The following ULK3 variants were observed in gnomAD, a reference collection of about 807,000 sequenced individuals.
The protein encoded by ULK3 is unc-51 like kinase 3, also known as serine/threonine-protein kinase ULK3.
ULK3 carries 54 observed loss-of-function variants against 69.4 expected under a neutral mutation model. The observed-to-expected ratio is 0.78, with a 90% CI of 0.63 to 0.98. The LOEUF (loss-of-function observed/expected upper bound fraction) is 0.98. ULK3 is among the 50% of genes least tolerant of loss of function. The pLI, the probability that ULK3 is intolerant of heterozygous loss-of-function variation, is 0.00. For missense variants in ULK3, 558 were observed against 627.7 expected, an observed-to-expected ratio of 0.89 and a Z score of 1.19; for synonymous variants, 240 against 254.5, an observed-to-expected ratio of 0.94 and a Z score of 0.54.
rs1406763375 is a variant in ULK3, at chr15:74,836,151, G to T, written c.*1077C>A. 6.6e-6 allele frequency: 1 copy of T among 152,302 alleles called. No homozygotes were observed. The highest frequency in any genetic ancestry group is 1.9e-4 in the East Asian group (1 of 5,184). The allele number at this position is 152,302 out of a possible 1,614,324, so 9.4% of individuals were successfully genotyped here. ...ATAATTTAATAGAGAAACAATGAAT[G>T]ATACTCTTTACACTCAGCCTCCTGC... On this transcript the variant is annotated 3_prime_UTR_variant, in exon 16 of 16. Transcript: ENST00000440863. This position sits in a 1 kb window ranked among gnomAD's most constrained non-coding sequence, Gnocchi z 4.0.
rs1393429859 is a variant in ULK3 at position 74,837,775 on chromosome 15, A to G, written c.1311T>C (p.Ala437=). The G allele has an allele frequency of 1.3e-5, 20 of 1,598,578 alleles. No individual in the cohort carries two copies. Among genetic ancestry groups the G allele is most frequent in the Non-Finnish European group, 1.7e-5 (20 of 1,172,466 alleles). Residue 437 remains alanine, a synonymous_variant, in exon 14 of 16, where the codon GCT becomes GCC. Coordinates refer to ENST00000440863, the MANE Select transcript of ULK3 (RefSeq NM_001099436.4). ...CCTTGACCTGCTCCTTCAAGTATTCAGCTCGGGCCATGAGGTTCTGAACCT... is the reference window on the plus strand; with the variant it reads ...CCTTGACCTGCTCCTTCAAGTATTCGGCTCGGGCCATGAGGTTCTGAACCT... ...HTEVQNLMAR[A]EYLKEQVKMR... is the part of the protein sequence containing the mutation.
intron 14 of ULK3, 72 bp downstream of exon 14, chr15:74,837,679 G>T: frequency 1.3e-6 from 2 of 1,509,660 alleles, no homozygotes; most frequent in Non-Finnish European, 1.8e-6. Flanking sequence ...CCAGCAGGGG[G>T]GGACGACAGC....
Position 74,837,115 on chromosome 15 carries a change from T to C in ULK3, c.*113A>G. On this transcript the variant is annotated 3_prime_UTR_variant, in exon 16 of 16. Coordinates refer to ENST00000440863, the MANE Select transcript of ULK3 (RefSeq NM_001099436.4). ...GATATGGGGGTCTCAGCACTGTCCATCCAAGAAGCCTGCTCGCCAGGGCTG... is the reference window on the plus strand; with the variant it reads ...GATATGGGGGTCTCAGCACTGTCCACCCAAGAAGCCTGCTCGCCAGGGCTG... The C allele has an allele frequency of 7.1e-7, 1 of 1,413,190 alleles. No homozygotes were observed. The allele number at this position is 1,413,190 out of a possible 1,614,324, so 87.5% of individuals were successfully genotyped here.
chr15:74,837,389 A>G lies in ULK3; in HGVS notation c.1382T>C (p.Leu461Pro), dbSNP rs2064051586. 6.2e-7 allele frequency: 1 copy of G among 1,613,046 alleles called. No homozygotes were observed. Among genetic ancestry groups the G allele is most frequent in the Non-Finnish European group, 8.5e-7 (1 of 1,179,600 alleles). ...CTCACAGCTACGAACAGATTCCGACAGTCCCTCTTTGTCCAGGGTGTCAGC... is the reference window on the plus strand; with the variant it reads ...CTCACAGCTACGAACAGATTCCGACGGTCCCTCTTTGTCCAGGGTGTCAGC... ...WEADTLDKEG[L>P]SESVRSSCTL... is the part of the protein sequence containing the mutation. The change falls in exon 15 of 16, where the codon CTG becomes CCG. Residue 461 changes from leucine (L) to proline (P), a missense_variant. By Grantham distance (98) the Leu-to-Pro change is moderately conservative. Coordinates refer to ENST00000440863, the MANE Select transcript of ULK3 (RefSeq NM_001099436.4).
Position 74,839,103 on chromosome 15 carries a change from C to A in ULK3, c.959-53G>T, listed in dbSNP as rs2064145294. 10 of 1,572,378 alleles carry A rather than the reference C, an allele frequency of 6.4e-6. No individual in the cohort carries two copies. In the South Asian group the frequency reaches 1.2e-4, roughly 18 times the overall value. On this transcript the variant is annotated intron_variant, in intron 8 of 15. Transcript: ENST00000440863. ...TCTGGGCGAACCCCTCCCTGCCCCA[C>A]AACGAACCCTCTGGAATCCCTCAAA...
chr15:74,837,908 G>C lies in ULK3; in HGVS notation c.1288-110C>G, dbSNP rs1319121394. The C allele has an allele frequency of 3.9e-6, 5 of 1,271,622 alleles. No homozygotes were observed. The African/African-American group carries it at 4.5e-5, about 11-fold the overall frequency. The allele number at this position is 1,271,622 out of a possible 1,614,324, so 78.8% of individuals were successfully genotyped here. On this transcript the variant is annotated intron_variant, in intron 13 of 15. Coordinates refer to ENST00000440863, the MANE Select transcript of ULK3 (RefSeq NM_001099436.4). ...CTCTCCAGAACCCTCTGCCCCATCAGAACAACTTGCCTCCTGAGTCCCTTA... is the reference window on the plus strand; with the variant it reads ...CTCTCCAGAACCCTCTGCCCCATCACAACAACTTGCCTCCTGAGTCCCTTA...
chr15:74,840,429 T>C, intron 5 of ULK3, 69 bp downstream of exon 5: 1 of 1,569,402 alleles, frequency 6.4e-7, no homozygotes, highest in Non-Finnish European at 8.6e-7. Context: ...CCTTCAGAAG[T>C]GGCCCAGAGA....
At position 74,838,329 on chromosome 15, in the gene ULK3, C is replaced by T. The variant is rs768101238; in HGVS notation, c.1183G>A (p.Gly395Arg). The change falls in exon 12 of 16, where the codon GGG (glycine) becomes AGG (arginine). Residue 395 changes from glycine (G) to arginine (R), a missense_variant. Transcript: ENST00000440863. ...AAMAKEEAAG[G>R]EQDALDLYQH... ...TACAGGTCCAGGGCATCCTGCTCCC[C>T]GCCGGCGGCCTCCTCCTGCAGCCAC... 5.2e-5 allele frequency: 81 copies of T among 1,567,352 alleles called. No individual in the cohort carries two copies. Among genetic ancestry groups the T allele is most frequent in the African/African-American group, 1.1e-4 (8 of 73,582 alleles).
intron 14 of ULK3, 84 bp downstream of exon 14, chr15:74,837,667 C>A (rs567660022): frequency 7.0e-7 from 1 of 1,431,610 alleles, no homozygotes; most frequent in Non-Finnish European, 9.5e-7. Flanking sequence ...AGCAGACATA[C>A]ACCAGCAGGG....
rs1479478065 is a variant in ULK3 at position 74,837,352 on chromosome 15, C to T, written c.1402+17G>A. 3 of 1,612,874 alleles carry T rather than the reference C, an allele frequency of 1.9e-6. No homozygotes were observed. The highest frequency in any genetic ancestry group is 2.5e-6 in the Non-Finnish European group (3 of 1,179,484). The stretch of plus-strand genomic sequence containing the variant: ...ACCCCTCCTTGGATGGAGGATCGAC[C>T]CCAGGGCAGGACTCACAGCTACGAA... On this transcript the variant is annotated intron_variant, in intron 15 of 15. Coordinates refer to ENST00000440863, the MANE Select transcript of ULK3 (RefSeq NM_001099436.4).
intron 5 of ULK3, 89 bp from the exon 6 acceptor site, chr15:74,840,405 G>T: frequency 1.3e-6 from 2 of 1,567,150 alleles, no homozygotes; most frequent in Non-Finnish European, 1.7e-6. Flanking sequence ...CCAGCAGTCA[G>T]TTTTCATCAG....
Position 74,838,154 on chromosome 15 carries a change from C to A in ULK3, c.1285G>T (p.Glu429Ter). Residue 429 changes from glutamate to a stop codon, truncating the protein, a stop_gained and splice_region_variant, in exon 13 of 16, where the codon GAG (glutamate) becomes TAG (stop). Transcript: ENST00000440863. LOFTEE classifies it high-confidence loss of function. Reference protein sequence around the residue: ...PGRRRELLHTEVQNLMARAEY... With the variant: ...PGRRRELLHT Reference sequence around the variant, plus strand: ...ACCCTCTCAAGCTCAGTGGGCACCTCAGTGTGAAGCAGCTCCCGCCTCCGG... The same window carrying A: ...ACCCTCTCAAGCTCAGTGGGCACCTAAGTGTGAAGCAGCTCCCGCCTCCGG... The A allele has an allele frequency of 6.4e-7, 1 of 1,556,424 alleles. No homozygotes were observed.
At chr15:74,841,681 C>G (rs2064257077) in intron 3 of ULK3, among the ~76,000 whole-genome samples, 172 bp from the exon 4 acceptor site, 1 of 152,130 alleles carries the variant, frequency 6.6e-6, no homozygotes, top group South Asian at 2.1e-4. Flanking sequence ...AGTTTGCCAC[C>G]CCACCCGAGT....
At position 74,839,064 on chromosome 15, in the gene ULK3, G is replaced by C. The variant is rs2064142388; in HGVS notation, c.959-14C>G. ...CATCCACTTCATCTGCAGAAAGTGA[G>C]GTCATATGAGGAGTCTGGGCGAACC... On this transcript the variant is annotated splice_polypyrimidine_tract_variant and intron_variant, in intron 8 of 15. Transcript: ENST00000440863. The C allele has an allele frequency of 3.8e-6, 6 of 1,599,616 alleles. No homozygotes were observed. Among genetic ancestry groups the C allele is most frequent in the Non-Finnish European group, 5.1e-6 (6 of 1,173,164 alleles).
chr15:74,837,630 C>T (rs1482668145), intron 14 of ULK3, 121 bp downstream of exon 14: 1 of 1,366,278 alleles, frequency 7.3e-7, no homozygotes, highest in Non-Finnish European at 1.0e-6. Context: ...GATACAGGGA[C>T]AGGGAGGCCT....
At position 74,842,261 on chromosome 15, in the gene ULK3, C is replaced by T; in HGVS notation, c.243+19G>A. On this transcript the variant is annotated intron_variant, in intron 2 of 15. Coordinates refer to ENST00000440863, the MANE Select transcript of ULK3 (RefSeq NM_001099436.4). This position sits in a 1 kb window ranked among gnomAD's most constrained non-coding sequence, Gnocchi z 4.9. The stretch of plus-strand genomic sequence containing the variant: ...CTTCTCCAGCTCCCTTTGGCAGCGG[C>T]CCCGCCCCAGGCTCACACCTGAAAG... 2 of 1,613,960 alleles carry T rather than the reference C, an allele frequency of 1.2e-6. No individual in the cohort carries two copies. Among genetic ancestry groups the T allele is most frequent in the Non-Finnish European group, 1.7e-6 (2 of 1,179,850 alleles).
At chr15:74,841,625 G>A (rs747014421) in intron 3 of ULK3, 116 bp from the exon 4 acceptor site, 10 of 836,510 alleles carry the variant, frequency 1.2e-5, no homozygotes, top group South Asian at 6.6e-5. Context: ...CTGCCTGGCT[G>A]GTCTAATGTT....
chr15:74,839,081 G>A, intron 8 of ULK3, 31 bp from the exon 9 acceptor site: 7 of 1,591,010 alleles, frequency 4.4e-6, no homozygotes, highest in Non-Finnish European at 6.0e-6. Context: ...TGAGGAGTCT[G>A]GGCGAACCCC....
At chr15:74,839,434 G>A in intron 7 of ULK3, 61 bp from the exon 8 acceptor site, 1 of 1,545,132 alleles carries the variant, frequency 6.5e-7, no homozygotes, top group Non-Finnish European at 8.7e-7. Flanking sequence ...TCACCAAGAT[G>A]GGAGATCAGC....
Sources: allele counts gnomAD v4.1 joint callset (sites outside exome capture counted in the v4.1 genomes callset), GRCh38; gene constraint gnomAD v4.1.1; non-coding constraint Gnocchi (gnomAD v3.1); transcripts MANE v1.5; gene names NCBI Gene and HGNC (gene_info 2026-07-23, HGNC 2026-07-21).